The following IWS1 variants were observed in gnomAD, a reference collection of about 807,000 sequenced individuals.
IWS1 encodes the protein interacts with SUPT6H, CTD assembly factor 1, also known as protein IWS1 homolog.
A neutral mutation model predicts 86.7 loss-of-function variants in IWS1; 27 were observed. The observed-to-expected ratio is 0.31, with a 90% CI of 0.23 to 0.43. The LOEUF (loss-of-function observed/expected upper bound fraction) is 0.43, where lower values mean the gene tolerates loss of function less well. Ranked by LOEUF, IWS1 falls within the 20% of genes least tolerant of loss-of-function variation. The pLI, the probability that IWS1 is intolerant of heterozygous loss-of-function variation, is 1.00. For synonymous variants in IWS1, 313 were observed against 335.1 expected, an observed-to-expected ratio of 0.93 and a Z score of 0.72; for missense variants, 827 against 1,000.8, an observed-to-expected ratio of 0.83 and a Z score of 2.34.
intron 2 of IWS1, among the ~76,000 whole-genome samples, chr2:127,519,694 C>T (rs541308314): frequency 2.0e-5 from 3 of 152,278 alleles, no homozygotes; most frequent in East Asian, 3.9e-4. Flanking sequence ...GAATATGTCA[C>T]TTTACATGCA....
intron 3 of IWS1, among the ~76,000 whole-genome samples, chr2:127,504,096 T>C (rs1457165550): frequency 1.3e-5 from 2 of 152,210 alleles, no homozygotes; most frequent in African/African-American, 4.8e-5. Flanking sequence ...TATAATGAAA[T>C]ATGTCTTTTC....
chr2:127,498,203 C>G lies in IWS1; in HGVS notation c.1502G>C (p.Gly501Ala), dbSNP rs142529758. ...TTCTGCTTCTTTTACCTGTGTTTCA[C>G]CTTTTTCTTCTTCCAGATCTTCTTG... ...FNQEDLEEEK[G>A]ETQVKEAEDS... The change falls in exon 6 of 14, where the codon GGT becomes GCT. Residue 501 changes from glycine (G) to alanine (A), a missense_variant. Coordinates refer to ENST00000295321, the MANE Select transcript of IWS1 (RefSeq NM_017969.3). 5.4e-5 allele frequency: 86 copies of G among 1,591,734 alleles called. No individual in the cohort carries two copies. Among genetic ancestry groups the G allele is most frequent in the Non-Finnish European group, 7.2e-5 (84 of 1,159,974 alleles).
chr2:127,482,196 T>C (rs1255855379), intron 13 of IWS1: 3 of 152,130 alleles, frequency 2.0e-5, no homozygotes, highest in Non-Finnish European at 1.5e-5. Flanking sequence ...TAAAATAAGG[T>C]AGGGCCTGGG....
chr2:127,525,699 G>T (rs900221580), intron 1 of IWS1, among the ~76,000 whole-genome samples: 11 of 152,208 alleles, frequency 7.2e-5, no homozygotes, highest in African/African-American at 2.7e-4. Flanking sequence ...AAAACCACCA[G>T]TAAGTGCCAG....
At chr2:127,482,520 T>C (rs1157951450) in intron 13 of IWS1, 1 of 152,224 alleles carries the variant, frequency 6.6e-6, no homozygotes, top group East Asian at 1.9e-4. Context: ...TTTTAGAGGA[T>C]GTGCCGTGAT....
intron 12 of IWS1, among the ~76,000 whole-genome samples, chr2:127,488,377 G>A (rs1224011398): frequency 6.6e-6 from 1 of 152,110 alleles, no homozygotes. Flanking sequence ...AACTTGCCTG[G>A]TCCCTCAAAT....
rs200612560 is a variant in IWS1, at chr2:127,488,990, AATT to A, written c.2216+186_2216+188del. ...ACAGCAATAAAATCTTTATTGAATG[AATT>A]ATTTTCTCAATTTTCCTTACATCCC... On this transcript the variant is annotated intron_variant, in intron 12 of 13. Transcript: ENST00000295321. 6.1e-3 allele frequency among the ~76,000 whole-genome samples: 928 copies of A among 152,314 alleles called. 12 individuals are homozygous for A. Among genetic ancestry groups the A allele is most frequent in the African/African-American group, 0.021 (892 of 41,554 alleles).
intron 8 of IWS1, 130 bp from the exon 9 acceptor site, chr2:127,493,540 C>T (rs749612765): frequency 7.8e-6 from 6 of 770,886 alleles, no homozygotes; most frequent in Non-Finnish European, 1.2e-5. Context: ...TTGACATTTA[C>T]TGAACACCAT....
In IWS1 at chr2:127,481,083, T is replaced by C. The variant is rs764739153; in HGVS notation, c.2421A>G (p.Ala807=). 2 of 1,612,772 alleles carry C rather than the reference T, an allele frequency of 1.2e-6. No individual in the cohort carries two copies. Among genetic ancestry groups the C allele is most frequent in the Non-Finnish European group, 1.7e-6 (2 of 1,179,590 alleles). ...DIRKKSRSAH[A]VKISIEGNKM... is the part of the protein sequence containing the mutation. ...TGTTGCCCTCAATGCTGATTTTCAC[T>C]GCGTGTGCAGATCTGCTTTTTTTCC... The change falls in exon 14 of 14, where the codon GCA becomes GCG. Residue 807 remains alanine, a synonymous_variant. Transcript: ENST00000295321.
At chr2:127,509,707 CAAAAAAAAAAA>C (rs34526019) in intron 2 of IWS1, among the ~76,000 whole-genome samples, 5 of 55,484 alleles carry the variant, frequency 9.0e-5, no homozygotes, top group African/African-American at 3.7e-4. Context: ...CACTCCATCT[CAAAAAAAAAAA>C]AAAAAAAAAA....
chr2:127,518,097 TA>T (rs374909802), intron 2 of IWS1, among the ~76,000 whole-genome samples: 104 of 152,260 alleles, frequency 6.8e-4, no homozygotes, highest in African/African-American at 2.5e-3. Flanking sequence ...GTTAGAAAGG[TA>T]ACAGCAAAAG....
chr2:127,503,059 A>G (rs1033749785), intron 4 of IWS1, among the ~76,000 whole-genome samples, 187 bp from the exon 5 acceptor site: 1 of 152,324 alleles, frequency 6.6e-6, no homozygotes, highest in East Asian at 1.9e-4. Flanking sequence ...CTCCCCAGAA[A>G]GTCCTCTCAT....
At chr2:127,517,574 T>C (rs548409828) in intron 2 of IWS1, among the ~76,000 whole-genome samples, 8 of 152,296 alleles carry the variant, frequency 5.3e-5, no homozygotes, top group African/African-American at 1.9e-4. Context: ...AGTCAGGTAA[T>C]AATTGCCGAC....
chr2:127,499,484 A>G lies in IWS1; in HGVS notation c.1468-1247T>C, dbSNP rs948478173. 5.3e-5 allele frequency among the ~76,000 whole-genome samples: 8 copies of G among 152,192 alleles called. No individual in the cohort carries two copies. Among genetic ancestry groups the G allele is most frequent in the African/African-American group, 1.9e-4 (8 of 41,438 alleles). On this transcript the variant is annotated intron_variant, in intron 5 of 13. Coordinates refer to ENST00000295321, the MANE Select transcript of IWS1 (RefSeq NM_017969.3). The surrounding 1 kb of genome is among the most constrained non-coding windows in gnomAD (Gnocchi z 4.0). ...TAGAGGCTTTCTCAATGGTTCACCT[A>G]GTACAATTTTTTTCTAACTGAACTG...
intron 7 of IWS1, among the ~76,000 whole-genome samples, chr2:127,495,611 G>A (rs1690473229): frequency 6.6e-6 from 1 of 152,104 alleles, no homozygotes; most frequent in South Asian, 2.1e-4. Context: ...TTTATAAGTT[G>A]AGCAGATTTT....
rs181068598 is a variant in IWS1 at position 127,503,826 on chromosome 2, T to C, written c.1220-250A>G. ...TGCTTAAGAAAAACTGGCCAAAAGA[T>C]GAAGAAAGATATCATCAATATAAAA... is the stretch of plus-strand genomic sequence containing the variant. On this transcript the variant is annotated intron_variant, in intron 3 of 13. Coordinates refer to ENST00000295321, the MANE Select transcript of IWS1 (RefSeq NM_017969.3). Among the ~76,000 whole-genome samples, 521 of 152,242 alleles carry C rather than the reference T, an allele frequency of 3.4e-3. 1 individual carries two copies. Among genetic ancestry groups the C allele is most frequent in the African/African-American group, 0.012 (499 of 41,556 alleles).
At position 127,523,804 on chromosome 2, in the gene IWS1, A is replaced by G; in HGVS notation, c.35-13T>C. On this transcript the variant is annotated splice_polypyrimidine_tract_variant and intron_variant, in intron 1 of 13. Transcript: ENST00000295321. Reference sequence around the variant, plus strand: ...GCACCACCATCATCTGATTAAAAACAAAACAAAAACCAACTTATGGTGTAA... The same window carrying G: ...GCACCACCATCATCTGATTAAAAACGAAACAAAAACCAACTTATGGTGTAA... 6.4e-7 allele frequency: 1 copy of G among 1,560,210 alleles called. No individual in the cohort carries two copies. The highest frequency in any genetic ancestry group is 8.8e-7 in the Non-Finnish European group (1 of 1,135,588).
chr2:127,483,952 AAC>A (rs150411549), intron 13 of IWS1, among the ~76,000 whole-genome samples: 8,668 of 152,222 alleles, frequency 0.057, 591 homozygotes, highest in African/African-American at 0.16. Flanking sequence ...TTTGTACTTA[AAC>A]ATTTTCTATA....
In IWS1 at chr2:127,505,901, A is replaced by G. The variant is rs972114075; in HGVS notation, c.151-149T>C. ...TCTTGTCCTATACCCATATAGAAAC[A>G]CCCCCACAGAAAGCCAATCAGTGAA... On this transcript the variant is annotated intron_variant, in intron 2 of 13. Coordinates refer to ENST00000295321, the MANE Select transcript of IWS1 (RefSeq NM_017969.3). The surrounding 1 kb of genome is among the most constrained non-coding windows in gnomAD (Gnocchi z 5.0). The G allele has an allele frequency of 2.6e-5, 13 of 498,254 alleles. No homozygotes were observed. The highest frequency in any genetic ancestry group is 2.6e-4 in the African/African-American group (13 of 50,818). 30.9% of individuals were successfully genotyped at this position (498,254 alleles called of 1,614,324 possible). A position where few individuals can be genotyped will look rare whatever the true frequency, so the allele number is the denominator to read the frequency against.
Sources: gnomAD v4.1 joint callset for allele counts (sites outside exome capture counted in the v4.1 genomes callset) on GRCh38, gnomAD v4.1.1 for gene constraint, Gnocchi (gnomAD v3.1) non-coding constraint, MANE v1.5 for transcripts, NCBI Gene and HGNC (gene_info 2026-07-23, HGNC 2026-07-21) for gene names.